CACNA2D4: variants seen among roughly 807,000 people sequenced by gnomAD.
CACNA2D4 encodes calcium voltage-gated channel auxiliary subunit alpha2delta 4.
Under a neutral mutation model 163.8 loss-of-function variants are expected in CACNA2D4, and 157 were observed. That is an observed-to-expected ratio of 0.96 (90% confidence interval 0.84 to 1.09). The LOEUF (loss-of-function observed/expected upper bound fraction) is 1.09. Among genes scored for constraint, CACNA2D4 ranks in the 50% least tolerant of loss-of-function variants. The pLI is 0.00. For synonymous variants in CACNA2D4, 598 were observed against 586.9 expected (o/e 1.02, Z -0.27); for missense variants, 1,410 against 1,479.9 (o/e 0.95, Z 0.78).
chr12:1,903,027 A>G (rs548037230), intron 6 of CACNA2D4, among the ~76,000 whole-genome samples: 3 of 152,270 alleles, frequency 2.0e-5, no homozygotes, highest in African/African-American at 7.2e-5. Flanking sequence ...ACATAGATCA[A>G]TGGAATAGAA....
At chr12:1,860,025 C>A (rs1288679494) in intron 19 of CACNA2D4, 120 bp downstream of exon 19, 2 of 778,996 alleles carry the variant, frequency 2.6e-6, no homozygotes, top group Admixed American at 4.4e-5. Context: ...GTCTACACCT[C>A]AAGTTTCCTG....
At chr12:1,842,342 C>T (rs1016145502) in intron 25 of CACNA2D4, among the ~76,000 whole-genome samples, 4 of 152,218 alleles carry the variant, frequency 2.6e-5, no homozygotes, top group Admixed American at 6.5e-5. Flanking sequence ...CACCAGGCCC[C>T]GGCAAAGGGC....
At chr12:1,870,608 T>C (rs1865749375) in intron 18 of CACNA2D4, among the ~76,000 whole-genome samples, 1 of 152,060 alleles carries the variant, frequency 6.6e-6, no homozygotes, top group Non-Finnish European at 1.5e-5. Context: ...CGCTTTCAAG[T>C]GCCTTTCCGT....
Position 1,799,780 on chromosome 12 carries a change from G to A in CACNA2D4, c.2975-85C>T. 3 of 1,492,430 alleles carry A rather than the reference G, an allele frequency of 2.0e-6. No homozygotes were observed. The highest frequency in any genetic ancestry group is 1.2e-5 in the South Asian group (1 of 82,938). The allele number at this position is 1,492,430 out of a possible 1,614,324, so 92.4% of individuals were successfully genotyped here. ...TGAGGGCAGGATGTCATGGGGTGGT[G>A]ATGATGGCACATGGAGTGGCGGTGT... On this transcript the variant is annotated intron_variant, in intron 33 of 37. Coordinates refer to ENST00000382722, the MANE Select transcript of CACNA2D4 (RefSeq NM_172364.5). The surrounding 1 kb of genome is among the most constrained non-coding windows in gnomAD (Gnocchi z 4.7).
intron 26 of CACNA2D4, among the ~76,000 whole-genome samples, chr12:1,826,718 C>T (rs1207369622): frequency 1.1e-4 from 17 of 152,360 alleles, no homozygotes; most frequent in Admixed American, 6.5e-5. Context: ...GGGGCAGAGC[C>T]GACTGTCCTG....
chr12:1,905,554 T>G (rs899296727), intron 6 of CACNA2D4, among the ~76,000 whole-genome samples: 1 of 152,194 alleles, frequency 6.6e-6, no homozygotes, highest in Admixed American at 6.5e-5. Flanking sequence ...TTTCTATACA[T>G]TAACAGTGAA....
chr12:1,842,005 A>G (rs1865035021), intron 25 of CACNA2D4, among the ~76,000 whole-genome samples: 1 of 152,176 alleles, frequency 6.6e-6, no homozygotes, highest in African/African-American at 2.4e-5. Flanking sequence ...CAGCCCCGAC[A>G]ATATTCCCTG....
chr12:1,885,843 C>T lies in CACNA2D4; in HGVS notation c.1068+122G>A, dbSNP rs79823258. ...TTGTTTGCATGGGTAACGTGCTCTGCTCTCATTCCAGGTGCCATGGGAATA... is the reference window on the plus strand; with the variant it reads ...TTGTTTGCATGGGTAACGTGCTCTGTTCTCATTCCAGGTGCCATGGGAATA... On this transcript the variant is annotated intron_variant, in intron 9 of 37. Coordinates refer to ENST00000382722, the MANE Select transcript of CACNA2D4 (RefSeq NM_172364.5). 4,096 of 713,736 alleles carry T rather than the reference C, an allele frequency of 5.7e-3. 96 individuals carry two copies. Among genetic ancestry groups the T allele is most frequent in the South Asian group, 0.042 (2,387 of 57,078 alleles). The allele number at this position is 713,736 out of a possible 1,614,324, so 44.2% of individuals were successfully genotyped here. A position where few individuals can be genotyped will look rare whatever the true frequency, so the allele number is the denominator to read the frequency against.
intron 26 of CACNA2D4, among the ~76,000 whole-genome samples, chr12:1,830,533 A>G (rs1864574838): frequency 6.6e-6 from 1 of 152,254 alleles, no homozygotes; most frequent in Non-Finnish European, 1.5e-5. Context: ...TGACAACCTT[A>G]TCTCCTTTCT....
At chr12:1,846,747 C>T (rs546916795) in intron 23 of CACNA2D4, 58 bp from the exon 24 acceptor site, 72 of 1,400,892 alleles carry the variant, frequency 5.1e-5, no homozygotes, top group Non-Finnish European at 6.4e-5. Context: ...AGCTTGGGGG[C>T]GACCTGCAGG....
chr12:1,918,616 C>T lies in CACNA2D4; in HGVS notation c.-143G>A, dbSNP rs890025024. On this transcript the variant is annotated 5_prime_UTR_variant, in exon 1 of 38. Coordinates refer to ENST00000382722, the MANE Select transcript of CACNA2D4 (RefSeq NM_172364.5). ...CCACAGCTGCAGCTCACAGAAGAGT[C>T]GCCCCACCTAGCAAGCAGGCCTCGG... 51 of 627,252 alleles carry T rather than the reference C, an allele frequency of 8.1e-5. No homozygotes were observed. The highest frequency in any genetic ancestry group is 7.3e-4 in the African/African-American group (39 of 53,166). The allele number at this position is 627,252 out of a possible 1,614,324, so 38.9% of individuals were successfully genotyped here.
At chr12:1,846,483 G>A in intron 24 of CACNA2D4, 111 bp downstream of exon 24, 1 of 845,582 alleles carries the variant, frequency 1.2e-6, no homozygotes, top group Non-Finnish European at 1.9e-6. Flanking sequence ...CAGGGGTCCA[G>A]CATGCTGGAG....
intron 6 of CACNA2D4, among the ~76,000 whole-genome samples, chr12:1,899,303 G>A (rs1363593499): frequency 6.6e-6 from 1 of 151,780 alleles, no homozygotes; most frequent in East Asian, 1.9e-4. Context: ...AGGGAAAGGA[G>A]AACATAAGAA....
chr12:1,854,018 G>A lies in CACNA2D4; in HGVS notation c.2179C>T (p.Leu727=), dbSNP rs1335400694. ...GGGGCTGTCACCACCGCGTCAAACAGCACCTCCCGGACCAGCTCCTCGTCA... is the reference window on the plus strand; with the variant it reads ...GGGGCTGTCACCACCGCGTCAAACAACACCTCCCGGACCAGCTCCTCGTCA... The part of the protein sequence containing the change: ...ECDEELVREV[L]FDAVVTAPME... Residue 727 remains leucine, a synonymous_variant, in exon 23 of 38, where the codon CTG becomes TTG. Transcript: ENST00000382722. 2 of 1,612,234 alleles carry A rather than the reference G, an allele frequency of 1.2e-6. No homozygotes were observed. Among genetic ancestry groups the A allele is most frequent in the African/African-American group, 1.3e-5 (1 of 74,846 alleles).
At chr12:1,908,240 C>A (rs1003621001) in intron 4 of CACNA2D4, among the ~76,000 whole-genome samples, 1 of 152,224 alleles carries the variant, frequency 6.6e-6, no homozygotes, top group Admixed American at 6.5e-5. Context: ...CGCGGAGAGG[C>A]GTGAGGCCGA....
At position 1,806,936 on chromosome 12, in the gene CACNA2D4, G is replaced by C. The variant is rs1863558013; in HGVS notation, c.2721+3342C>G. On this transcript the variant is annotated intron_variant, in intron 29 of 37. Transcript: ENST00000382722. This position sits in a 1 kb window ranked among gnomAD's most constrained non-coding sequence, Gnocchi z 4.1. Reference sequence around the variant, plus strand: ...CCCTCGATGGCACTTGTGTGTTTGGGGAAGAGGGGCAGGTTTGGGTCGGTT... The same window carrying C: ...CCCTCGATGGCACTTGTGTGTTTGGCGAAGAGGGGCAGGTTTGGGTCGGTT... 3.3e-5 allele frequency among the ~76,000 whole-genome samples: 5 copies of C among 152,090 alleles called. No homozygotes were observed. In the South Asian group the frequency reaches 8.3e-4, roughly 25 times the overall value.
At position 1,821,462 on chromosome 12, in the gene CACNA2D4, GGA is replaced by G. The variant is rs1162886560; in HGVS notation, c.2552-9741_2552-9740del. Among the ~76,000 whole-genome samples, 7 of 152,326 alleles carry G rather than the reference GGA, an allele frequency of 4.6e-5. 1 individual carries two copies. In the South Asian group the frequency reaches 1.0e-3, roughly 23 times the overall value. ...GTGAGGGTGAGGCTGGGAGTGGGCA[GGA>G]GAGAGAAGTATCGCAGCCCTTCCCT... is the stretch of plus-strand genomic sequence containing the variant. On this transcript the variant is annotated intron_variant, in intron 26 of 37. Transcript: ENST00000382722.
At chr12:1,871,570 T>C (rs1430850668) in intron 18 of CACNA2D4, among the ~76,000 whole-genome samples, 1 of 151,538 alleles carries the variant, frequency 6.6e-6, no homozygotes, top group Non-Finnish European at 1.5e-5. Context: ...CTGGTGTGTG[T>C]ACGTGTGTGT....
Position 1,856,185 on chromosome 12 carries a change from A to C in CACNA2D4, c.2053T>G (p.Trp685Gly). Reference protein sequence around the residue: ...LHPDLALAGDWIYCITDIDPD... With the variant: ...LHPDLALAGDGIYCITDIDPD... ...TCCCATTTTTTACTCCTCACTTACC[A>C]GTCACCGGCCAGGGCCAGGTCTGGG... The change falls in exon 21 of 38, where the codon TGG becomes GGG. Residue 685 changes from tryptophan to glycine, a missense_variant and splice_region_variant. Coordinates refer to ENST00000382722, the MANE Select transcript of CACNA2D4 (RefSeq NM_172364.5). 2.5e-6 allele frequency: 4 copies of C among 1,614,002 alleles called. No homozygotes were observed. Among genetic ancestry groups the C allele is most frequent in the Non-Finnish European group, 3.4e-6 (4 of 1,179,886 alleles).
Sources: gnomAD v4.1 joint callset for allele counts (sites outside exome capture counted in the v4.1 genomes callset) on GRCh38, gnomAD v4.1.1 for gene constraint, Gnocchi (gnomAD v3.1) non-coding constraint, MANE v1.5 for transcripts, NCBI Gene and HGNC (gene_info 2026-07-23, HGNC 2026-07-21) for gene names.